Variants in CYP20A1 observed in about 807,000 individuals in gnomAD.
CYP20A1 encodes cytochrome P450 family 20 subfamily A member 1, also known as cytochrome P450 20A1.
A neutral mutation model predicts 61.4 loss-of-function variants in CYP20A1; 61 were observed. That is an observed-to-expected ratio of 0.99 (90% confidence interval 0.81 to 1.23). CYP20A1 has a LOEUF of 1.23. CYP20A1 is among the 50% of genes most tolerant of loss of function. The pLI is 0.00. For missense variants in CYP20A1, 530 were observed against 542.4 expected, an observed-to-expected ratio of 0.98 and a Z score of 0.23; for synonymous variants, 193 against 188.2, an observed-to-expected ratio of 1.03 and a Z score of -0.21.
chr2:203,292,445 A>T (rs1575274371), intron 11 of CYP20A1, 119 bp downstream of exon 11: 1 of 688,904 alleles, frequency 1.5e-6, no homozygotes, highest in East Asian at 2.6e-5. Context: ...ACAAAAGAAA[A>T]CTAGTGAATC....
chr2:203,248,888 T>G (rs2066558351), intron 3 of CYP20A1, among the ~76,000 whole-genome samples: 1 of 152,078 alleles, frequency 6.6e-6, no homozygotes, highest in South Asian at 2.1e-4. Context: ...TTATTTACTT[T>G]TTAGTGGAGA....
chr2:203,278,445 C>T, intron 6 of CYP20A1, 128 bp from the exon 7 acceptor site: 1 of 481,126 alleles, frequency 2.1e-6, no homozygotes, highest in Non-Finnish European at 3.7e-6. Flanking sequence ...CATAAATTAG[C>T]TTTCTTTGTT....
At chr2:203,241,897 A>G (rs1034704041) in intron 1 of CYP20A1, among the ~76,000 whole-genome samples, 6 of 152,300 alleles carry the variant, frequency 3.9e-5, no homozygotes, top group African/African-American at 1.2e-4. Flanking sequence ...GCTGGAGTGC[A>G]GTGGCATGAT....
At chr2:203,246,728 T>C in intron 2 of CYP20A1, 27 bp from the exon 3 acceptor site, 1 of 1,599,912 alleles carries the variant, frequency 6.3e-7, no homozygotes, top group South Asian at 1.1e-5. Flanking sequence ...AAATTGATTA[T>C]TTTGTCAAAT....
chr2:203,303,934 T>A lies in CYP20A1; in HGVS notation c.*7026T>A, dbSNP rs2069121651. On this transcript the variant is annotated 3_prime_UTR_variant, in exon 13 of 13. Transcript: ENST00000356079. ...AATATACCACTAATATTTAAAGAAA[T>A]TTTTGGCTGGTGCCGTGGCTCACAC... is the stretch of plus-strand genomic sequence containing the variant. Among the ~76,000 whole-genome samples the A allele has an allele frequency of 6.7e-6, 1 of 148,760 alleles. No individual in the cohort carries two copies. Among genetic ancestry groups the A allele is most frequent in the East Asian group, 2.0e-4 (1 of 4,922 alleles).
intron 3 of CYP20A1, among the ~76,000 whole-genome samples, chr2:203,249,305 A>C (rs1385161457): frequency 6.6e-6 from 1 of 152,130 alleles, no homozygotes; most frequent in Non-Finnish European, 1.5e-5. Flanking sequence ...GCTTGAACCC[A>C]AGAGTTGAAG....
rs974343937 is a variant in CYP20A1, at chr2:203,302,145, C to T, written c.*5237C>T. 3.9e-5 allele frequency among the ~76,000 whole-genome samples: 6 copies of T among 151,992 alleles called. No individual in the cohort carries two copies. Among genetic ancestry groups the T allele is most frequent in the Admixed American group, 1.3e-4 (2 of 15,250 alleles). The stretch of plus-strand genomic sequence containing the variant: ...TTCACCATGTTGGCCAGGCTGGCCT[C>T]GAACTCCTCAACCTCAAGTAGTCTG... On this transcript the variant is annotated 3_prime_UTR_variant, in exon 13 of 13. Transcript: ENST00000356079.
chr2:203,251,817 A>ATATATGTGTATATAT (rs34111991), intron 3 of CYP20A1, 150 bp from the exon 4 acceptor site: 6 of 95,304 alleles, frequency 6.3e-5, no homozygotes, highest in Non-Finnish European at 1.1e-4. Flanking sequence ...ATATATATAT[A>ATATATGTGTATATAT]AAAAATAAAA....
rs76767556 is a variant in CYP20A1 at position 203,298,533 on chromosome 2, C to CAAAAAAAAAA, written c.*1634_*1643dup. Among the ~76,000 whole-genome samples the CAAAAAAAAAA allele has an allele frequency of 1.6e-5, 2 of 124,506 alleles. No homozygotes were observed. The highest frequency in any genetic ancestry group is 3.3e-5 in the Non-Finnish European group (2 of 61,418). 81.7% of individuals were successfully genotyped at this position (124,506 alleles called of 152,430 possible). On this transcript the variant is annotated 3_prime_UTR_variant, in exon 13 of 13. Coordinates refer to ENST00000356079, the MANE Select transcript of CYP20A1 (RefSeq NM_177538.3). ...TGAAACCCCGTCTCTACTAAAAATA[C>CAAAAAAAAAA]AAAAAAAAAAAAAAAAAATTAGCCA...
Position 203,271,071 on chromosome 2 carries a change from T to G in CYP20A1, c.601-1599T>G, listed in dbSNP as rs1198072518. Among the ~76,000 whole-genome samples the G allele has an allele frequency of 7.1e-5, 6 of 84,976 alleles. No homozygotes were observed. The East Asian group carries it at 1.6e-3, about 22-fold the overall frequency. 55.7% of individuals were successfully genotyped at this position (84,976 alleles called of 152,430 possible). ...GTATATGTGTATATATATATATATA[T>G]ATATATATATATTTTTTTTTTTTTT... On this transcript the variant is annotated intron_variant, in intron 5 of 12. Transcript: ENST00000356079.
chr2:203,270,001 T>A (rs1438362890), intron 5 of CYP20A1, among the ~76,000 whole-genome samples: 2 of 152,104 alleles, frequency 1.3e-5, no homozygotes, highest in Non-Finnish European at 2.9e-5. Flanking sequence ...CCTATAATCC[T>A]TGCACTTTGG....
intron 5 of CYP20A1, among the ~76,000 whole-genome samples, chr2:203,268,553 T>C (rs1401623291): frequency 1.3e-5 from 2 of 152,178 alleles, no homozygotes; most frequent in Non-Finnish European, 2.9e-5. Flanking sequence ...AAAGGAAACT[T>C]TTCAGACTAT....
intron 9 of CYP20A1, among the ~76,000 whole-genome samples, chr2:203,287,882 A>T (rs2068350870): frequency 6.6e-6 from 1 of 151,084 alleles, no homozygotes; most frequent in Non-Finnish European, 1.5e-5. Context: ...TTTTGCACAA[A>T]CTACTCCTCT....
At position 203,303,826 on chromosome 2, in the gene CYP20A1, G is replaced by C. The variant is rs1393094458; in HGVS notation, c.*6918G>C. Reference sequence around the variant, plus strand: ...TGGGAGGTGGAGGTTGCAGTGAGTTGAGATTGTGCCACTGCACTCCAGCTT... The same window carrying C: ...TGGGAGGTGGAGGTTGCAGTGAGTTCAGATTGTGCCACTGCACTCCAGCTT... On this transcript the variant is annotated 3_prime_UTR_variant, in exon 13 of 13. Transcript: ENST00000356079. Among the ~76,000 whole-genome samples the C allele has an allele frequency of 6.8e-6, 1 of 147,470 alleles. No individual in the cohort carries two copies. Among genetic ancestry groups the C allele is most frequent in the Non-Finnish European group, 1.5e-5 (1 of 67,200 alleles).
intron 6 of CYP20A1, among the ~76,000 whole-genome samples, chr2:203,276,165 ACT>A (rs2067811829): frequency 6.6e-6 from 1 of 152,020 alleles, no homozygotes. Context: ...TTGAAGTAGG[ACT>A]CTGCTGCTGT....
chr2:203,294,554 A>G (rs2068690794), intron 11 of CYP20A1, among the ~76,000 whole-genome samples: 1 of 152,266 alleles, frequency 6.6e-6, no homozygotes, highest in East Asian at 1.9e-4. Flanking sequence ...AAATAATGAT[A>G]ATAATCACAC....
intron 7 of CYP20A1, 112 bp from the exon 8 acceptor site, chr2:203,279,947 A>G (rs538393487): frequency 7.3e-4 from 465 of 639,820 alleles, no homozygotes; most frequent in Middle Eastern, 2.0e-3. Context: ...AAATGAAATA[A>G]TATACTTTTT....
chr2:203,248,326 G>A (rs1462021998), intron 3 of CYP20A1, among the ~76,000 whole-genome samples: 2 of 152,110 alleles, frequency 1.3e-5, no homozygotes, highest in Non-Finnish European at 2.9e-5. Flanking sequence ...ATGAGGTCAG[G>A]ATTTCGAGAC....
chr2:203,290,561 A>C (rs2068490643), intron 10 of CYP20A1, among the ~76,000 whole-genome samples: 1 of 152,206 alleles, frequency 6.6e-6, no homozygotes, highest in South Asian at 2.1e-4. Flanking sequence ...GGCTATTAGT[A>C]TACCTAGCAC....
Sources: gnomAD v4.1 joint callset for allele counts (sites outside exome capture counted in the v4.1 genomes callset) on GRCh38, gnomAD v4.1.1 for gene constraint, MANE v1.5 for transcripts, NCBI Gene and HGNC (gene_info 2026-07-23, HGNC 2026-07-21) for gene names.